ARHGAP6: variants seen among roughly 807,000 people sequenced by gnomAD.
The protein encoded by ARHGAP6 is Rho GTPase activating protein 6, also known as rho GTPase-activating protein 6.
ARHGAP6 carries 16 observed loss-of-function variants against 55.7 expected under a neutral mutation model. The ratio of observed to expected loss-of-function variants is 0.29; its 90% CI spans 0.19 to 0.44. The LOEUF (loss-of-function observed/expected upper bound fraction) is 0.44, where lower values mean the gene tolerates loss of function less well. Ranked by LOEUF, ARHGAP6 falls within the 20% of genes least tolerant of loss-of-function variation. ARHGAP6 has a pLI of 1.00. For synonymous variants in ARHGAP6, 382 were observed against 360.9 expected (o/e 1.06, Z -0.66); for missense variants, 698 against 808.9 (o/e 0.86, Z 1.66).
chrX:11,499,426 T>A (rs1006622044), intron 1 of ARHGAP6, among the ~76,000 whole-genome samples: 2 of 112,063 alleles, frequency 1.8e-5, no homozygotes, highest in Non-Finnish European at 3.8e-5. Flanking sequence ...ACTGTAGGAC[T>A]TTTTTTCTAT....
chrX:11,180,490 C>T (rs1208512731), intron 6 of ARHGAP6, among the ~76,000 whole-genome samples: 1 of 110,266 alleles, frequency 9.1e-6, no homozygotes, highest in Non-Finnish European at 1.9e-5. Flanking sequence ...GCAGGTAATC[C>T]CACAAATAAT....
At chrX:11,303,483 A>G (rs2048196883) in intron 1 of ARHGAP6, among the ~76,000 whole-genome samples, 1 of 112,198 alleles carries the variant, frequency 8.9e-6, no homozygotes, top group African/African-American at 3.2e-5. Flanking sequence ...AATAAATCAC[A>G]CTTGAATCCT....
intron 1 of ARHGAP6, among the ~76,000 whole-genome samples, chrX:11,538,324 T>C (rs1213830094): frequency 8.9e-6 from 1 of 112,225 alleles, no homozygotes; most frequent in African/African-American, 3.2e-5. Context: ...CATGGACTCA[T>C]GTTTCATGTG....
chrX:11,659,109 G>A (rs956485356), intron 1 of ARHGAP6, among the ~76,000 whole-genome samples: 43 of 111,579 alleles, frequency 3.9e-4, no homozygotes, highest in African/African-American at 1.1e-3. Context: ...CTTTCAAGGA[G>A]TTCAACAGAG....
At chrX:11,295,654 T>C (rs779934052) in intron 1 of ARHGAP6, among the ~76,000 whole-genome samples, 1 of 111,368 alleles carries the variant, frequency 9.0e-6, no homozygotes, top group South Asian at 3.8e-4. Flanking sequence ...ACCAAGATTC[T>C]GTGCTCTGAC....
Position 11,296,034 on chromosome X carries a change from T to G in ARHGAP6, c.589-41327A>C, listed in dbSNP as rs776692529. Among the ~76,000 whole-genome samples, 13 of 111,889 alleles carry G rather than the reference T, an allele frequency of 1.2e-4. No individual in the cohort carries two copies. The Admixed American group carries it at 1.2e-3, about 11-fold the overall frequency. ...TTCAGGTGGCCTTTTATTTTTAACTTGAAAATTTTTCTGCCATAAAACCGT... is the reference window on the plus strand; with the variant it reads ...TTCAGGTGGCCTTTTATTTTTAACTGGAAAATTTTTCTGCCATAAAACCGT... On this transcript the variant is annotated intron_variant, in intron 1 of 12. Transcript: ENST00000337414.
intron 1 of ARHGAP6, among the ~76,000 whole-genome samples, chrX:11,640,167 C>T (rs1007640114): frequency 1.8e-5 from 2 of 110,990 alleles, no homozygotes; most frequent in Non-Finnish European, 3.8e-5. Context: ...AACAGTGCCC[C>T]GGGAAAGGAA....
chrX:11,500,255 G>T (rs1394771345), intron 1 of ARHGAP6, among the ~76,000 whole-genome samples: 1 of 111,332 alleles, frequency 9.0e-6, no homozygotes, highest in Non-Finnish European at 1.9e-5. Flanking sequence ...ATCCATGGGG[G>T]TTCCCTCTCC....
At chrX:11,429,443 T>C (rs1279034872) in intron 1 of ARHGAP6, among the ~76,000 whole-genome samples, 1 of 112,185 alleles carries the variant, frequency 8.9e-6, no homozygotes, top group African/African-American at 3.2e-5. Flanking sequence ...AAACATTCAC[T>C]GTGCAGTACA....
At chrX:11,238,823 T>C (rs1196208145) in intron 2 of ARHGAP6, among the ~76,000 whole-genome samples, 1 of 111,858 alleles carries the variant, frequency 8.9e-6, no homozygotes, top group African/African-American at 3.3e-5. Context: ...AGCCCTAAGA[T>C]GACTGCAGCC....
chrX:11,664,406 A>C lies in ARHGAP6; in HGVS notation c.423T>G (p.Ser141=), dbSNP rs374336630. ...GGCTACTGGCTGGCCCGGCCAGGAC[A>C]GAAGGCAGGTCCCAGGCCATGCTCT... ...LKKSMAWDLP[S]VLAGPASSRS... The change falls in exon 1 of 13, where the codon TCT becomes TCG. Residue 141 remains serine, a synonymous_variant. Coordinates refer to ENST00000337414, the MANE Select transcript of ARHGAP6 (RefSeq NM_013427.3). 2.1e-4 allele frequency: 256 copies of C among 1,210,955 alleles called. No homozygotes were observed. The highest frequency in any genetic ancestry group is 2.5e-4 in the Non-Finnish European group (220 of 895,282).
chrX:11,245,738 A>G (rs1026545669), intron 2 of ARHGAP6, among the ~76,000 whole-genome samples: 11 of 112,008 alleles, frequency 9.8e-5, no homozygotes, highest in Non-Finnish European at 2.1e-4. Flanking sequence ...TATCTCTGAT[A>G]AAGATAAGCT....
intron 1 of ARHGAP6, among the ~76,000 whole-genome samples, chrX:11,387,675 GTA>G (rs1303107468): frequency 9.0e-6 from 1 of 111,067 alleles, no homozygotes; most frequent in African/African-American, 3.3e-5. Flanking sequence ...TTAACATTAG[GTA>G]TATCTCCTAA....
chrX:11,375,218 G>C (rs1196288716), intron 1 of ARHGAP6, among the ~76,000 whole-genome samples: 1 of 111,909 alleles, frequency 8.9e-6, no homozygotes, highest in Non-Finnish European at 1.9e-5. Context: ...GGCTTAAAAA[G>C]ACTAAGAACC....
chrX:11,337,311 TTTTA>T (rs781299500), intron 1 of ARHGAP6, among the ~76,000 whole-genome samples: 38 of 111,477 alleles, frequency 3.4e-4, no homozygotes, highest in African/African-American at 9.1e-4. Context: ...CAATGATCAG[TTTTA>T]TTTGTTTCCT....
chrX:11,485,396 T>A (rs1329875012), intron 1 of ARHGAP6, among the ~76,000 whole-genome samples: 2 of 112,336 alleles, frequency 1.8e-5, no homozygotes, highest in Non-Finnish European at 3.8e-5. Flanking sequence ...AGAGAGGTGA[T>A]CAGCTGAATG....
Position 11,664,690 on chromosome X carries a change from C to A in ARHGAP6, c.139G>T (p.Gly47Trp). The A allele has an allele frequency of 8.5e-7, 1 of 1,174,782 alleles. No homozygotes were observed. The highest frequency in any genetic ancestry group is 3.1e-5 in the East Asian group (1 of 32,312). ...SLDPALIGGC[G>W]SDEAGAEGSA... The stretch of plus-strand genomic sequence containing the variant: ...CCCTCCGCGCCCGCCTCGTCGCTCC[C>A]GCAGCCGCCGATCAGGGCCGGGTCC... The change falls in exon 1 of 13, where the codon GGG (glycine) becomes TGG (tryptophan). Residue 47 changes from glycine (G) to tryptophan (W), a missense_variant. Around this residue, in one of 3 missense-constraint regions of ARHGAP6, gnomAD observed 164 missense variants for 149.2 expected, o/e 1.10. Transcript: ENST00000337414.
At chrX:11,594,232 T>C (rs1157018393) in intron 1 of ARHGAP6, among the ~76,000 whole-genome samples, 1 of 111,616 alleles carries the variant, frequency 9.0e-6, no homozygotes, top group Non-Finnish European at 1.9e-5. Flanking sequence ...CTCAAGGCCT[T>C]TGTATGTATT....
At chrX:11,304,763 TTTTC>T (rs773293537) in intron 1 of ARHGAP6, among the ~76,000 whole-genome samples, 45 of 106,411 alleles carry the variant, frequency 4.2e-4, no homozygotes, top group Non-Finnish European at 6.8e-4. Context: ...AGGATTTCAT[TTTTC>T]TTTCTTTTAC....
Sources: allele counts gnomAD v4.1 joint callset (sites outside exome capture counted in the v4.1 genomes callset), GRCh38; gene constraint gnomAD v4.1.1; regional missense constraint gnomAD v4.1.1; transcripts MANE v1.5; gene names NCBI Gene and HGNC (gene_info 2026-07-23, HGNC 2026-07-21).